Variants in ACOT2 observed in about 807,000 individuals in gnomAD.
ACOT2 encodes the protein acyl-coenzyme A thioesterase 2, mitochondrial.
In ACOT2, 15 loss-of-function variants were observed where a neutral mutation model predicts 20.1. The ratio of observed to expected loss-of-function variants is 0.75; its 90% CI spans 0.50 to 1.15. The LOEUF (loss-of-function observed/expected upper bound fraction) is 1.15. ACOT2 is among the 50% of genes most tolerant of loss of function. The pLI is 0.00. For synonymous variants in ACOT2, 252 were observed against 268.4 expected, an observed-to-expected ratio of 0.94 and a Z score of 0.60; for missense variants, 479 against 615.3, an observed-to-expected ratio of 0.78 and a Z score of 2.34.
chr14:73,573,426 A>G lies in ACOT2; in HGVS notation c.682A>G (p.Thr228Ala). 1.2e-6 allele frequency: 2 copies of G among 1,613,642 alleles called. No individual in the cohort carries two copies. Among genetic ancestry groups the G allele is most frequent in the African/African-American group, 1.3e-5 (1 of 74,966 alleles). The part of the protein sequence containing the change: ...PFPGIVDMFG[T>A]GGGLLEYRAS... Reference sequence around the variant, plus strand: ...TCCTGGGATTGTGGACATGTTCGGAACTGGAGGTGGCCTGCTGGAGTATCG... The same window carrying G: ...TCCTGGGATTGTGGACATGTTCGGAGCTGGAGGTGGCCTGCTGGAGTATCG... Residue 228 changes from threonine to alanine, a missense_variant, in exon 2 of 3, where the codon ACT becomes GCT. By Grantham distance (58) the Thr-to-Ala change is moderately conservative (BLOSUM62 0). Coordinates refer to ENST00000238651, the MANE Select transcript of ACOT2 (RefSeq NM_006821.6).
chr14:73,572,199 T>TA (rs1395418564), intron 1 of ACOT2, among the ~76,000 whole-genome samples: 2 of 85,564 alleles, frequency 2.3e-5, no homozygotes, highest in African/African-American at 5.5e-5. Context: ...TGGATTAATT[T>TA]AAAAAAAGAG....
At chr14:73,572,892 C>T (rs1402599758) in intron 1 of ACOT2, among the ~76,000 whole-genome samples, 2 of 150,610 alleles carry the variant, frequency 1.3e-5, no homozygotes, top group Non-Finnish European at 3.0e-5. Flanking sequence ...GTGATCCACC[C>T]GTCTCAGCCT....
Position 73,569,850 on chromosome 14 carries a change from G to A in ACOT2, c.610G>A (p.Gly204Ser). 3 of 1,605,064 alleles carry A rather than the reference G, an allele frequency of 1.9e-6. No homozygotes were observed. Among genetic ancestry groups the A allele is most frequent in the Non-Finnish European group, 1.7e-6 (2 of 1,176,282 alleles). Residue 204 changes from glycine to serine, a missense_variant, in exon 1 of 3, where the codon GGC (glycine) becomes AGC (serine). By Grantham distance (56) the Gly-to-Ser change is moderately conservative. This residue lies in a region of ACOT2 where 400 missense variants were observed against 395.5 expected (regional missense o/e 1.01). Transcript: ENST00000238651. Reference protein sequence around the residue: ...PGVRREPVRVGRVRGTLFLPP... With the variant: ...PGVRREPVRVSRVRGTLFLPP... ...GGTGCGGCGCGAGCCGGTGCGCGTG[G>A]GCCGGGTGCGAGGCACGCTCTTCCT...
rs753681956 is a variant in ACOT2, at chr14:73,575,022, G to A, written c.961G>A (p.Ala321Thr). Residue 321 changes from alanine (A) to threonine (T), a missense_variant, in exon 3 of 3, where the codon GCC becomes ACC. Physicochemically the swap from Ala to Thr is moderately conservative, Grantham distance 58. Coordinates refer to ENST00000238651, the MANE Select transcript of ACOT2 (RefSeq NM_006821.6). ...TAAVVINGSV[A>T]NVGGTLHYKG... ...TGCTGTCGTCATCAACGGCTCTGTGGCCAATGTTGGGGGAACCTTACACTA... is the reference window on the plus strand; with the variant it reads ...TGCTGTCGTCATCAACGGCTCTGTGACCAATGTTGGGGGAACCTTACACTA... 1 of 1,595,078 alleles carries A rather than the reference G, an allele frequency of 6.3e-7. No homozygotes were observed. Among genetic ancestry groups the A allele is most frequent in the South Asian group, 1.1e-5 (1 of 90,204 alleles).
At chr14:73,570,448 A>T (rs895691319) in intron 1 of ACOT2, among the ~76,000 whole-genome samples, 5 of 151,982 alleles carry the variant, frequency 3.3e-5, no homozygotes, top group South Asian at 4.2e-4. Context: ...GGGCGCCTGT[A>T]GTCCCAGCTA....
rs762459779 is a variant in ACOT2, at chr14:73,575,475, T to C, written c.1414T>C (p.Leu472=). The C allele has an allele frequency of 1.4e-4, 212 of 1,497,366 alleles. 2 individuals are homozygous for C. The East Asian group carries it at 1.9e-3, about 13-fold the overall frequency. The allele number at this position is 1,497,366 out of a possible 1,614,324, so 92.8% of individuals were successfully genotyped here. ...KQLQTFFHKH[L]GGHEGTIPSK... ...ACTCCAGACTTTCTTCCACAAACAC[T>C]TGGGTGGCCACGAGGGGACAATCCC... Residue 472 remains leucine (L), a synonymous_variant, in exon 3 of 3, where the codon TTG becomes CTG. Coordinates refer to ENST00000238651, the MANE Select transcript of ACOT2 (RefSeq NM_006821.6).
chr14:73,569,285 C>T lies in ACOT2; in HGVS notation c.45C>T (p.Leu15=). ...CTCCCCACCCCCATTCAGTTGTTCT[C>T]AGGTCTGAATTCAAAATGGCCTCAT... ...LLSPHPHSVV[L]RSEFKMASSP... The change falls in exon 1 of 3, where the codon CTC becomes CTT. Residue 15 remains leucine (L), a synonymous_variant. Coordinates refer to ENST00000238651, the MANE Select transcript of ACOT2 (RefSeq NM_006821.6). 5.0e-6 allele frequency: 8 copies of T among 1,613,936 alleles called. No homozygotes were observed. The highest frequency in any genetic ancestry group is 6.8e-6 in the Non-Finnish European group (8 of 1,179,784).
upstream of ACOT2, among the ~76,000 whole-genome samples, chr14:73,568,576 A>AG (rs1889645815): frequency 1.3e-5 from 2 of 151,568 alleles, no homozygotes; most frequent in African/African-American, 4.8e-5. Flanking sequence ...AAAAAAAAAA[A>AG]GTAACCCTTG....
At position 73,569,721 on chromosome 14, in the gene ACOT2, C is replaced by T; in HGVS notation, c.481C>T (p.Arg161Ter). 1.2e-6 allele frequency: 2 copies of T among 1,609,252 alleles called. No individual in the cohort carries two copies. The highest frequency in any genetic ancestry group is 1.1e-5 in the South Asian group (1 of 90,812). Reference protein sequence around the residue: ...PLVRLVKRDVRTPLAVELEVL... With the variant: ...PLVRLVKRDV ...GGTGCGGCTGGTGAAGCGCGACGTG[C>T]GAACGCCCTTGGCCGTGGAGCTGGA... Residue 161 changes from arginine (R) to a stop codon, truncating the protein, a stop_gained, in exon 1 of 3, where the codon CGA (arginine) becomes TGA (stop). Coordinates refer to ENST00000238651, the MANE Select transcript of ACOT2 (RefSeq NM_006821.6). LOFTEE classifies it high-confidence loss of function.
At chr14:73,569,907 C>T in intron 1 of ACOT2, 24 bp downstream of exon 1, 6 of 1,595,220 alleles carry the variant, frequency 3.8e-6, no homozygotes, top group South Asian at 2.3e-5. Context: ...GCTAATTGTT[C>T]CGTGTTCGTT....
In ACOT2 at chr14:73,569,609, C is replaced by A; in HGVS notation, c.369C>A (p.Asp123Glu). Residue 123 changes from aspartate (D) to glutamate (E), a missense_variant, in exon 1 of 3, where the codon GAC (aspartate) becomes GAA (glutamate). By Grantham distance (45) the Asp-to-Glu change is conservative (BLOSUM62 2). Coordinates refer to ENST00000238651, the MANE Select transcript of ACOT2 (RefSeq NM_006821.6). ...GCGCCGACACTCTTGGCGAGCTGGA[C>A]CTGGAGCGCGCGCCCGCGCTGGGCG... ...RYRADTLGELDLERAPALGGS... is the reference protein window; with the variant it reads ...RYRADTLGELELERAPALGGS... The A allele has an allele frequency of 6.2e-7, 1 of 1,600,990 alleles. No homozygotes were observed. Among genetic ancestry groups the A allele is most frequent in the South Asian group, 1.1e-5 (1 of 90,296 alleles).
At chr14:73,570,500 CAG>C (rs1445703684) in intron 1 of ACOT2, among the ~76,000 whole-genome samples, 11 of 152,032 alleles carry the variant, frequency 7.2e-5, no homozygotes, top group South Asian at 4.2e-4. Context: ...ACCCGGGAGG[CAG>C]AGTTTGTAGT....
In ACOT2 at chr14:73,569,794, C is replaced by T. The variant is rs774582968; in HGVS notation, c.554C>T (p.Thr185Met). 8.1e-3 allele frequency: 12,642 copies of T among 1,569,906 alleles called. 653 individuals are homozygous for T. Among genetic ancestry groups the T allele is most frequent in the South Asian group, 8.8e-3 (794 of 89,924 alleles). Residue 185 changes from threonine (T) to methionine (M), a missense_variant, in exon 1 of 3, where the codon ACG becomes ATG. Physicochemically the swap from Thr to Met is moderately conservative, Grantham distance 81. Around this residue, in one of 4 missense-constraint regions of ACOT2, gnomAD observed 400 missense variants for 395.5 expected, o/e 1.01. Coordinates refer to ENST00000238651, the MANE Select transcript of ACOT2 (RefSeq NM_006821.6). ...DPDPGRLLCQ[T>M]RHERYFLPPG... is the part of the protein sequence containing the mutation. ...GACCCCGGGCGGCTGCTGTGCCAGACGCGGCACGAGCGCTACTTCCTCCCG... is the reference window on the plus strand; with the variant it reads ...GACCCCGGGCGGCTGCTGTGCCAGATGCGGCACGAGCGCTACTTCCTCCCG...
Position 73,569,676 on chromosome 14 carries a change from T to C in ACOT2, c.436T>C (p.Leu146=). ...GLEPMGLLWA[L]EPEKPLVRLV... is the part of the protein sequence containing the mutation. ...TGAGCCCATGGGGCTGCTCTGGGCC[T>C]TGGAGCCCGAGAAACCTTTGGTGCG... The change falls in exon 1 of 3, where the codon TTG becomes CTG. Residue 146 remains leucine (L), a synonymous_variant. Coordinates refer to ENST00000238651, the MANE Select transcript of ACOT2 (RefSeq NM_006821.6). 6.2e-7 allele frequency: 1 copy of C among 1,608,882 alleles called. No homozygotes were observed.
At chr14:73,570,759 G>A (rs565094933) in intron 1 of ACOT2, among the ~76,000 whole-genome samples, 24 of 151,544 alleles carry the variant, frequency 1.6e-4, no homozygotes, top group African/African-American at 4.8e-4. Context: ...AGAAAAATTA[G>A]CCAGGCGTGG....
chr14:73,569,701 G>C lies in ACOT2; in HGVS notation c.461G>C (p.Arg154Pro). Reference sequence around the variant, plus strand: ...TTGGAGCCCGAGAAACCTTTGGTGCGGCTGGTGAAGCGCGACGTGCGAACG... The same window carrying C: ...TTGGAGCCCGAGAAACCTTTGGTGCCGCTGGTGAAGCGCGACGTGCGAACG... Reference protein sequence around the residue: ...WALEPEKPLVRLVKRDVRTPL... With the variant: ...WALEPEKPLVPLVKRDVRTPL... The change falls in exon 1 of 3, where the codon CGG becomes CCG. Residue 154 changes from arginine to proline, a missense_variant. Arg to Pro is a moderately radical substitution (Grantham distance 103, BLOSUM62 -2). Transcript: ENST00000238651. 1 of 1,609,618 alleles carries C rather than the reference G, an allele frequency of 6.2e-7. No homozygotes were observed. The highest frequency in any genetic ancestry group is 1.1e-5 in the South Asian group (1 of 90,866).
In ACOT2 at chr14:73,569,853, C is replaced by T. The variant is rs1259489792; in HGVS notation, c.613C>T (p.Arg205Trp). The T allele has an allele frequency of 4.4e-6, 7 of 1,605,078 alleles. No individual in the cohort carries two copies. Among genetic ancestry groups the T allele is most frequent in the South Asian group, 1.1e-5 (1 of 90,300 alleles). ...GCGGCGCGAGCCGGTGCGCGTGGGC[C>T]GGGTGCGAGGCACGCTCTTCCTGCC... is the stretch of plus-strand genomic sequence containing the variant. Reference protein sequence around the residue: ...GVRREPVRVGRVRGTLFLPPE... With the variant: ...GVRREPVRVGWVRGTLFLPPE... Residue 205 changes from arginine (R) to tryptophan (W), a missense_variant, in exon 1 of 3, where the codon CGG becomes TGG. Coordinates refer to ENST00000238651, the MANE Select transcript of ACOT2 (RefSeq NM_006821.6).
In ACOT2 at chr14:73,573,527, C is replaced by T. The variant is rs149240584; in HGVS notation, c.783C>T (p.Thr261=). The change falls in exon 2 of 3, where the codon ACC becomes ACT. Residue 261 remains threonine, a synonymous_variant. Transcript: ENST00000238651. ...AYYNYEDLPK[T]METLHLEYFE... Reference sequence around the variant, plus strand: ...ATAACTATGAAGACCTCCCCAAGACCATGGAGACGCTCCATCTGGAGTACT... The same window carrying T: ...ATAACTATGAAGACCTCCCCAAGACTATGGAGACGCTCCATCTGGAGTACT... 2.0e-4 allele frequency: 325 copies of T among 1,613,486 alleles called. 5 individuals are homozygous for T. Among genetic ancestry groups the T allele is most frequent in the Non-Finnish European group, 2.5e-4 (295 of 1,179,682 alleles).
In ACOT2 at chr14:73,573,311, A is replaced by G. The variant is rs1353134301; in HGVS notation, c.644-77A>G. The G allele has an allele frequency of 3.1e-6, 5 of 1,595,430 alleles. No individual in the cohort carries two copies. In the Admixed American group the frequency reaches 5.0e-5, roughly 16 times the overall value. On this transcript the variant is annotated intron_variant, in intron 1 of 2. Transcript: ENST00000238651. ...GGGATTGCTGGGTCACATGTGTGGT[A>G]AGTATATGTTTAACTTAAACCATCC...
Sources: gnomAD v4.1 joint callset for allele counts (sites outside exome capture counted in the v4.1 genomes callset) on GRCh38, gnomAD v4.1.1 for gene constraint, gnomAD v4.1.1 regional missense constraint, MANE v1.5 for transcripts, NCBI Gene and HGNC (gene_info 2026-07-23, HGNC 2026-07-21) for gene names.